The following ZFP42 variants were observed in gnomAD, a reference collection of about 807,000 sequenced individuals.
ZFP42 encodes zinc finger protein 42 homolog.
For missense variants in ZFP42, 438 were observed against 377.1 expected (o/e 1.16, Z -1.34); for synonymous variants, 175 against 144.6 (o/e 1.21, Z -1.51).
chr4:188,002,768 T>G lies in ZFP42; in HGVS notation c.-40T>G. 1 of 1,580,522 alleles carries G rather than the reference T, an allele frequency of 6.3e-7. No homozygotes were observed. The highest frequency in any genetic ancestry group is 8.7e-7 in the Non-Finnish European group (1 of 1,155,270). ...CTACTGCCTGGAGGTGGTTGATATA[T>G]CCTGGTGTAAACCTTCAAGAAGGGC... is the stretch of plus-strand genomic sequence containing the variant. On this transcript the variant is annotated 5_prime_UTR_variant, in exon 4 of 4. Transcript: ENST00000326866.
Position 188,002,937 on chromosome 4 carries a change from A to AG in ZFP42, c.131dup (p.Ser44ArgfsTer8). ...CCTGCAGGCGGAAATAGAACCTGTC[A>AG]GCGCGGTGTGGGCCTTATGTGATGG... On this transcript the variant is annotated frameshift_variant, in exon 4 of 4. Coordinates refer to ENST00000326866, the MANE Select transcript of ZFP42 (RefSeq NM_174900.5). LOFTEE classifies it low-confidence loss of function (END_TRUNC). 1 of 1,614,220 alleles carries AG rather than the reference A, an allele frequency of 6.2e-7. No homozygotes were observed. The highest frequency in any genetic ancestry group is 8.5e-7 in the Non-Finnish European group (1 of 1,180,042).
chr4:188,002,727 C>G lies in ZFP42; in HGVS notation c.-81C>G, dbSNP rs914815902. The G allele has an allele frequency of 8.4e-7, 1 of 1,184,664 alleles. No homozygotes were observed. The highest frequency in any genetic ancestry group is 1.2e-6 in the Non-Finnish European group (1 of 826,080). The allele number at this position is 1,184,664 out of a possible 1,614,324, so 73.4% of individuals were successfully genotyped here. A position where few individuals can be genotyped will look rare whatever the true frequency, so the allele number is the denominator to read the frequency against. On this transcript the variant is annotated 5_prime_UTR_variant, in exon 4 of 4. Transcript: ENST00000326866. ...TCATAAAGCAGGTGTTTGCTGAAGA[C>G]AGCTTACTCAGATCACTACTGCCTG...
chr4:188,003,240 G>A lies in ZFP42; in HGVS notation c.433G>A (p.Glu145Lys). 1.2e-6 allele frequency: 2 copies of A among 1,614,088 alleles called. No individual in the cohort carries two copies. Among genetic ancestry groups the A allele is most frequent in the Non-Finnish European group, 1.7e-6 (2 of 1,180,032 alleles). ...TGGAGAGAATTCGCTTGAGTATTCT[G>A]AGTACATGACAGGCAAGAAGCTTCC... ...IVGENSLEYSEYMTGKKLPPG... is the reference protein window; with the variant it reads ...IVGENSLEYSKYMTGKKLPPG... Residue 145 changes from glutamate to lysine, a missense_variant, in exon 4 of 4, where the codon GAG (glutamate) becomes AAG (lysine). Physicochemically the swap from Glu to Lys is moderately conservative, Grantham distance 56. Coordinates refer to ENST00000326866, the MANE Select transcript of ZFP42 (RefSeq NM_174900.5).
chr4:188,000,201 G>A (rs6837349), intron 3 of ZFP42, among the ~76,000 whole-genome samples: 50 of 151,976 alleles, frequency 3.3e-4, no homozygotes, highest in Admixed American at 4.6e-4. Flanking sequence ...ACTCAAAAAG[G>A]TTTCATACTT....
At chr4:188,001,183 T>C (rs1327798754) in intron 3 of ZFP42, among the ~76,000 whole-genome samples, 3 of 152,118 alleles carry the variant, frequency 2.0e-5, no homozygotes, top group Admixed American at 6.5e-5. Flanking sequence ...TGTTTTTTTT[T>C]TAATGTGGTT....
chr4:187,996,680 G>T (rs955575889), intron 1 of ZFP42, among the ~76,000 whole-genome samples: 1 of 152,092 alleles, frequency 6.6e-6, no homozygotes, highest in Non-Finnish European at 1.5e-5. Flanking sequence ...GGGCGAGGGG[G>T]TGGTTCTTTC....
At chr4:187,997,747 T>G (rs1403831650) in intron 1 of ZFP42, among the ~76,000 whole-genome samples, 1 of 152,132 alleles carries the variant, frequency 6.6e-6, no homozygotes, top group Non-Finnish European at 1.5e-5. Context: ...AAGTTCCATA[T>G]AAGGCCGTTT....
intron 3 of ZFP42, among the ~76,000 whole-genome samples, chr4:188,002,407 G>C (rs1733861019): frequency 6.6e-6 from 1 of 152,276 alleles, no homozygotes; most frequent in Admixed American, 6.5e-5. Flanking sequence ...CTCCATGGAG[G>C]CATAGATGTT....
chr4:187,998,520 A>ACT (rs1266836754), intron 1 of ZFP42, among the ~76,000 whole-genome samples: 1 of 152,040 alleles, frequency 6.6e-6, no homozygotes, highest in Non-Finnish European at 1.5e-5. Context: ...TCACTCACTC[A>ACT]CTCATCCAGA....
intron 3 of ZFP42, among the ~76,000 whole-genome samples, chr4:187,999,941 T>C (rs1326067509): frequency 1.3e-5 from 2 of 152,210 alleles, no homozygotes; most frequent in African/African-American, 4.8e-5. Context: ...AAGTTTATTA[T>C]GGCTGAATAG....
intron 2 of ZFP42, 62 bp from the exon 3 acceptor site, chr4:187,999,547 G>A (rs1414875942): frequency 6.6e-6 from 1 of 152,154 alleles, no homozygotes; most frequent in Non-Finnish European, 1.5e-5. Flanking sequence ...ATTATATAGG[G>A]TTGTTAAATC....
Position 188,002,990 on chromosome 4 carries a change from G to T in ZFP42, c.183G>T (p.Gln61His), listed in dbSNP as rs1290563275. The part of the protein sequence containing the change: ...DGYVCYEPGP[Q>H]ALGGDDFSDC... ...ATGTGTGCTATGAGCCTGGCCCTCA[G>T]GCTCTCGGAGGGGATGATTTCTCAG... Residue 61 changes from glutamine (Q) to histidine (H), a missense_variant, in exon 4 of 4, where the codon CAG becomes CAT. Gln to His is a conservative substitution (Grantham distance 24). Transcript: ENST00000326866. The T allele has an allele frequency of 1.2e-6, 2 of 1,614,184 alleles. No individual in the cohort carries two copies. Among genetic ancestry groups the T allele is most frequent in the Admixed American group, 3.3e-5 (2 of 60,024 alleles).
At position 188,003,503 on chromosome 4, in the gene ZFP42, A is replaced by G. The variant is rs938972626; in HGVS notation, c.696A>G (p.Leu232=). 5 of 1,613,760 alleles carry G rather than the reference A, an allele frequency of 3.1e-6. No individual in the cohort carries two copies. The South Asian group carries it at 3.3e-5, about 11-fold the overall frequency. ...AAGCGTTCGTTGAGAGCTCAAAACT[A>G]AAGAGACATTTCCTGGTTCATACTG... is the stretch of plus-strand genomic sequence containing the variant. The part of the protein sequence containing the change: ...CGKAFVESSK[L]KRHFLVHTGE... The change falls in exon 4 of 4, where the codon CTA becomes CTG. Residue 232 remains leucine, a synonymous_variant. Transcript: ENST00000326866.
At position 188,003,624 on chromosome 4, in the gene ZFP42, AAACGTTTCGTGT is replaced by A; in HGVS notation, c.818_829del (p.Lys273_Cys277delinsSer). The A allele has an allele frequency of 2.5e-6, 4 of 1,613,516 alleles. No individual in the cohort carries two copies. Among genetic ancestry groups the A allele is most frequent in the Non-Finnish European group, 3.4e-6 (4 of 1,180,040 alleles). On this transcript the variant is annotated inframe_deletion, in exon 4 of 4. Transcript: ENST00000326866. ...GCACGTGCGCATCCACACGGGGGAG[AAACGTTTCGTGT>A]GTCCCTTTCAAGGCTGCAACAGGAG...
Position 188,002,931 on chromosome 4 carries a change from C to A in ZFP42, c.124C>A (p.Pro42Thr), listed in dbSNP as rs779371610. ...CCAAGACCTGCAGGCGGAAATAGAA[C>A]CTGTCAGCGCGGTGTGGGCCTTATG... ...SSQDLQAEIEPVSAVWALCDG... is the reference protein window; with the variant it reads ...SSQDLQAEIETVSAVWALCDG... Residue 42 changes from proline (P) to threonine (T), a missense_variant, in exon 4 of 4, where the codon CCT (proline) becomes ACT (threonine). Physicochemically the swap from Pro to Thr is conservative, Grantham distance 38. Transcript: ENST00000326866. The A allele has an allele frequency of 6.2e-7, 1 of 1,614,054 alleles. No individual in the cohort carries two copies.
rs1658805576 is a variant in ZFP42, at chr4:187,998,627, T to G, written c.-338-481T>G. 2.0e-5 allele frequency among the ~76,000 whole-genome samples: 3 copies of G among 152,270 alleles called. No individual in the cohort carries two copies. The South Asian group carries it at 6.2e-4, about 32-fold the overall frequency. ...CAGTATTTCTTCTGTTTGGATATGT[T>G]TATATGCAAATACTTACTGTTGTGT... On this transcript the variant is annotated intron_variant, in intron 1 of 3. Coordinates refer to ENST00000326866, the MANE Select transcript of ZFP42 (RefSeq NM_174900.5).
At position 188,003,924 on chromosome 4, in the gene ZFP42, TTC is replaced by T; in HGVS notation, c.*186_*187del. 3.5e-6 allele frequency: 2 copies of T among 571,650 alleles called. No homozygotes were observed. The highest frequency in any genetic ancestry group is 6.0e-6 in the Non-Finnish European group (2 of 334,546). 35.4% of individuals were successfully genotyped at this position (571,650 alleles called of 1,614,324 possible). A position where few individuals can be genotyped will look rare whatever the true frequency, so the allele number is the denominator to read the frequency against. On this transcript the variant is annotated 3_prime_UTR_variant, in exon 4 of 4. Transcript: ENST00000326866. ...TTTTAAGGACATGGTGCATTTTTTTTTCTTTTATTTGTTTTATTTAGAACTTT... is the reference window on the plus strand; with the variant it reads ...TTTTAAGGACATGGTGCATTTTTTTTTTTTATTTGTTTTATTTAGAACTTT...
chr4:187,996,409 C>G (rs1241235860), intron 1 of ZFP42, among the ~76,000 whole-genome samples: 1 of 152,106 alleles, frequency 6.6e-6, no homozygotes, highest in Non-Finnish European at 1.5e-5. Context: ...CTCCCGGGTT[C>G]AAGGGATTCT....
At chr4:187,998,065 G>A (rs912218979) in intron 1 of ZFP42, among the ~76,000 whole-genome samples, 43 of 152,304 alleles carry the variant, frequency 2.8e-4, no homozygotes, top group African/African-American at 1.0e-3. Context: ...GTCTGGGCGC[G>A]GTGGCTCACG....
Sources: gnomAD v4.1 joint callset for allele counts (sites outside exome capture counted in the v4.1 genomes callset) on GRCh38, gnomAD v4.1.1 for gene constraint, MANE v1.5 for transcripts, NCBI Gene and HGNC (gene_info 2026-07-23, HGNC 2026-07-21) for gene names.